SH3GL2: variants seen among roughly 807,000 people sequenced by gnomAD.
SH3GL2 encodes SH3 domain containing GRB2 like 2, endophilin A1, also known as endophilin-A1.
A neutral mutation model predicts 46.0 loss-of-function variants in SH3GL2; 24 were observed. That is an observed-to-expected ratio of 0.52 (90% confidence interval 0.38 to 0.73). SH3GL2 has a LOEUF of 0.73. SH3GL2 is among the 30% of genes least tolerant of loss of function. SH3GL2 has a pLI of 0.00. For missense variants in SH3GL2, 413 were observed against 424.2 expected (o/e 0.97, Z 0.23); for synonymous variants, 196 against 147.1 (o/e 1.33, Z -2.40).
Position 17,665,054 on chromosome 9 carries a change from C to T in SH3GL2, c.46-82012C>T, listed in dbSNP as rs140695021. Among the ~76,000 whole-genome samples, 132 of 152,148 alleles carry T rather than the reference C, an allele frequency of 8.7e-4. 1 individual carries two copies. The highest frequency in any genetic ancestry group is 9.1e-4 in the Non-Finnish European group (62 of 67,952). ...ATGTGTACTCTTTACCTTGATTCAC[C>T]AGTGTTCATCTTTTGCTTCATTGAC... On this transcript the variant is annotated intron_variant, in intron 1 of 8. Coordinates refer to ENST00000380607, the MANE Select transcript of SH3GL2 (RefSeq NM_003026.5).
In SH3GL2 at chr9:17,579,087, AGCCCGT is replaced by A. The variant is rs1818220021; in HGVS notation, c.-154_-149del. On this transcript the variant is annotated 5_prime_UTR_variant, in exon 1 of 9. Transcript: ENST00000380607. Reference sequence around the variant, plus strand: ...TGACGTCAGAGTGTTTCTCCGCAAGAGCCCGTGTCCCGCTAGGCTCCGCGCCCTCGC... The same window carrying A: ...TGACGTCAGAGTGTTTCTCCGCAAGAGTCCCGCTAGGCTCCGCGCCCTCGC... The A allele has an allele frequency of 6.3e-6, 3 of 478,766 alleles. No homozygotes were observed. The highest frequency in any genetic ancestry group is 1.1e-5 in the Non-Finnish European group (3 of 277,486). The allele number at this position is 478,766 out of a possible 1,614,324, so 29.7% of individuals were successfully genotyped here. A position where few individuals can be genotyped will look rare whatever the true frequency, so the allele number is the denominator to read the frequency against.
chr9:17,635,572 A>G (rs10125852), intron 1 of SH3GL2, among the ~76,000 whole-genome samples: 1,716 of 152,282 alleles, frequency 0.011, 30 homozygotes, highest in African/African-American at 0.039. Context: ...TTAAGTGCCT[A>G]AAAGGTATCC....
chr9:17,703,995 C>A (rs1252677565), intron 1 of SH3GL2, among the ~76,000 whole-genome samples: 1 of 152,042 alleles, frequency 6.6e-6, no homozygotes, highest in Non-Finnish European at 1.5e-5. Flanking sequence ...GAGAGGAAGT[C>A]AAACTATCTG....
intron 1 of SH3GL2, among the ~76,000 whole-genome samples, chr9:17,580,583 G>A (rs1818258682): frequency 1.3e-5 from 2 of 152,132 alleles, no homozygotes; most frequent in South Asian, 4.1e-4. Flanking sequence ...GTTTCTTAAT[G>A]TAATTATTTT....
chr9:17,581,045 A>G (rs1426947794), intron 1 of SH3GL2, among the ~76,000 whole-genome samples: 2 of 152,218 alleles, frequency 1.3e-5, no homozygotes, highest in African/African-American at 4.8e-5. Context: ...TTCAGGGTTG[A>G]GGTGAAGAGA....
intron 1 of SH3GL2, among the ~76,000 whole-genome samples, chr9:17,676,303 G>A (rs16935876): frequency 0.1 from 15,949 of 151,940 alleles, 1,055 homozygotes; most frequent in Admixed American, 0.19. Context: ...TTTTTGCTCA[G>A]ACTGTAAAAA....
At chr9:17,640,549 T>C (rs1190010566) in intron 1 of SH3GL2, among the ~76,000 whole-genome samples, 2 of 152,160 alleles carry the variant, frequency 1.3e-5, no homozygotes, top group African/African-American at 4.8e-5. Flanking sequence ...CTCAACCGGC[T>C]GTCTCTGGTA....
In SH3GL2 at chr9:17,754,994, T is replaced by C. The variant is rs143511411; in HGVS notation, c.115-6443T>C. Among the ~76,000 whole-genome samples the C allele has an allele frequency of 1.7e-3, 261 of 152,316 alleles. 1 individual carries two copies. The highest frequency in any genetic ancestry group is 5.7e-3 in the African/African-American group (236 of 41,566). On this transcript the variant is annotated intron_variant, in intron 2 of 8. Coordinates refer to ENST00000380607, the MANE Select transcript of SH3GL2 (RefSeq NM_003026.5). ...TGCTTTATTTCTTTCTCTTGCCTAA[T>C]TGGCCTGGTCAGGACTTCCAATACT... is the stretch of plus-strand genomic sequence containing the variant.
chr9:17,615,627 C>G (rs1487448786), intron 1 of SH3GL2, among the ~76,000 whole-genome samples: 2 of 144,078 alleles, frequency 1.4e-5, no homozygotes, highest in Non-Finnish European at 1.5e-5. Context: ...TGCACTCCAG[C>G]CCGGGTGACC....
chr9:17,598,630 G>A (rs552584693), intron 1 of SH3GL2, among the ~76,000 whole-genome samples: 2 of 152,272 alleles, frequency 1.3e-5, no homozygotes, highest in Non-Finnish European at 2.9e-5. Flanking sequence ...GATACTTATT[G>A]GAATCCCTTT....
intron 1 of SH3GL2, among the ~76,000 whole-genome samples, chr9:17,628,261 C>T (rs79853274): frequency 0.018 from 2,786 of 152,234 alleles, 102 homozygotes; most frequent in African/African-American, 0.064. Flanking sequence ...CTTCTCTGTA[C>T]CCCCTCACTT....
At chr9:17,666,041 T>G (rs774233575) in intron 1 of SH3GL2, among the ~76,000 whole-genome samples, 19 of 151,618 alleles carry the variant, frequency 1.3e-4, no homozygotes, top group Non-Finnish European at 2.7e-4. Flanking sequence ...TATACCTACT[T>G]ATTTGCTCAC....
chr9:17,647,439 C>G (rs943479357), intron 1 of SH3GL2, among the ~76,000 whole-genome samples: 1 of 152,070 alleles, frequency 6.6e-6, no homozygotes, highest in Non-Finnish European at 1.5e-5. Context: ...GTCTCTCTCT[C>G]TACCGTTTGA....
chr9:17,589,104 C>T (rs1401760548), intron 1 of SH3GL2: 1 of 152,202 alleles, frequency 6.6e-6, no homozygotes, highest in East Asian at 1.9e-4. Context: ...TGTACATACA[C>T]AACATACATA....
chr9:17,671,549 G>T (rs78568833), intron 1 of SH3GL2, among the ~76,000 whole-genome samples: 2,332 of 152,036 alleles, frequency 0.015, 32 homozygotes, highest in Middle Eastern at 0.024. Context: ...ATTTTCCATG[G>T]TACGATTATC....
At chr9:17,661,928 A>G (rs921192888) in intron 1 of SH3GL2, among the ~76,000 whole-genome samples, 2 of 152,204 alleles carry the variant, frequency 1.3e-5, no homozygotes, top group African/African-American at 2.4e-5. Context: ...GATGGTTGCA[A>G]TGGGATGATT....
chr9:17,685,282 C>G (rs995891958), intron 1 of SH3GL2, among the ~76,000 whole-genome samples: 2 of 152,062 alleles, frequency 1.3e-5, no homozygotes, highest in African/African-American at 4.8e-5. Context: ...GGAATTGGTG[C>G]TGCATTCTTG....
At chr9:17,722,085 C>T (rs1821908894) in intron 1 of SH3GL2, among the ~76,000 whole-genome samples, 1 of 151,994 alleles carries the variant, frequency 6.6e-6, no homozygotes, top group Middle Eastern at 3.2e-3. Context: ...GTAAACTCTA[C>T]TTTGGAGGAA....
At chr9:17,704,141 C>T (rs2209436) in intron 1 of SH3GL2, among the ~76,000 whole-genome samples, 5,279 of 150,770 alleles carry the variant, frequency 0.035, 148 homozygotes, top group African/African-American at 0.068. Context: ...TTTCTGTACA[C>T]CAACATCATC....
Sources: allele counts gnomAD v4.1 joint callset (sites outside exome capture counted in the v4.1 genomes callset), GRCh38; gene constraint gnomAD v4.1.1; transcripts MANE v1.5; gene names NCBI Gene and HGNC (gene_info 2026-07-23, HGNC 2026-07-21).